The following CTNNA2 variants were observed in gnomAD, a reference collection of about 807,000 sequenced individuals.
CTNNA2 encodes catenin alpha 2.
In CTNNA2, 42 loss-of-function variants were observed where a neutral mutation model predicts 101.0. The ratio of observed to expected loss-of-function variants is 0.42; its 90% CI spans 0.32 to 0.54. CTNNA2 has a LOEUF of 0.54. Among genes scored for constraint, CTNNA2 ranks in the 20% least tolerant of loss-of-function variants. CTNNA2 has a pLI of 0.14. For missense variants in CTNNA2, 871 were observed against 1,223.1 expected (o/e 0.71, Z 4.29); for synonymous variants, 450 against 456.4 (o/e 0.99, Z 0.18).
intron 4 of CTNNA2, among the ~76,000 whole-genome samples, chr2:79,499,921 C>A (rs1671301341): frequency 6.6e-6 from 1 of 152,218 alleles, no homozygotes; most frequent in African/African-American, 2.4e-5. Flanking sequence ...TATTGGCCAG[C>A]AGCCTGGAGA....
At chr2:80,092,095 C>T (rs899860337) in intron 7 of CTNNA2, among the ~76,000 whole-genome samples, 1 of 152,014 alleles carries the variant, frequency 6.6e-6, no homozygotes, top group Admixed American at 6.6e-5. Flanking sequence ...AATTATGGCT[C>T]ACCTTGCATT....
chr2:79,209,711 A>C (rs538573290), intron 2 of CTNNA2, among the ~76,000 whole-genome samples: 2 of 52,034 alleles, frequency 3.8e-5, no homozygotes, highest in South Asian at 9.6e-4. Context: ...AGCCAATTAA[A>C]AGAGCTTATC....
chr2:80,386,296 C>A (rs1056898514), intron 7 of CTNNA2, among the ~76,000 whole-genome samples: 5 of 152,110 alleles, frequency 3.3e-5, no homozygotes, highest in Non-Finnish European at 7.4e-5. Context: ...TATAGATTTG[C>A]TTTGTGGCCA....
intron 9 of CTNNA2, among the ~76,000 whole-genome samples, chr2:80,531,093 A>G (rs1690498140): frequency 6.6e-6 from 1 of 152,134 alleles, no homozygotes; most frequent in Non-Finnish European, 1.5e-5. Context: ...GGAGCTGTTA[A>G]GGGGAATGAG....
chr2:79,373,791 A>G (rs1378644489), intron 3 of CTNNA2: 2 of 152,128 alleles, frequency 1.3e-5, no homozygotes, highest in East Asian at 3.9e-4. Context: ...TAATTCTCAC[A>G]ATAACCTGTT....
At position 79,687,471 on chromosome 2, in the gene CTNNA2, T is replaced by C; in HGVS notation, c.102+35813T>C. 4 of 535,990 alleles carry C rather than the reference T, an allele frequency of 7.5e-6. No individual in the cohort carries two copies. In the South Asian group the frequency reaches 1.1e-4, roughly 14 times the overall value. 33.2% of individuals were successfully genotyped at this position (535,990 alleles called of 1,614,324 possible). On this transcript the variant is annotated intron_variant, in intron 2 of 18. Transcript: ENST00000402739. ...TTTTTTTTTTTGTACCTTCAGATAATTTTGATTAGCTTTCATTTTTATTTG... is the reference window on the plus strand; with the variant it reads ...TTTTTTTTTTTGTACCTTCAGATAACTTTGATTAGCTTTCATTTTTATTTG...
Position 80,521,068 on chromosome 2 carries a change from G to A in CTNNA2, c.1291-23914G>A, listed in dbSNP as rs147835740. Among the ~76,000 whole-genome samples the A allele has an allele frequency of 2.2e-3, 328 of 152,308 alleles. 1 individual carries two copies. Among genetic ancestry groups the A allele is most frequent in the African/African-American group, 7.4e-3 (309 of 41,570 alleles). ...TCAGTGAGAGAAACAAATCACTGAT[G>A]AGAAAGCCAGCTGTGAGCACCCACG... is the stretch of plus-strand genomic sequence containing the variant. On this transcript the variant is annotated intron_variant, in intron 9 of 18. Coordinates refer to ENST00000402739, the MANE Select transcript of CTNNA2 (RefSeq NM_001282597.3).
At chr2:79,955,686 T>C (rs1689173972) in intron 7 of CTNNA2, among the ~76,000 whole-genome samples, 1 of 152,188 alleles carries the variant, frequency 6.6e-6, no homozygotes. Context: ...TAATTTTTTT[T>C]TGATTTTTTG....
At chr2:80,152,165 G>A (rs187087852) in intron 7 of CTNNA2, among the ~76,000 whole-genome samples, 2 of 152,300 alleles carry the variant, frequency 1.3e-5, no homozygotes, top group Admixed American at 1.3e-4. Flanking sequence ...GGTTTCATAC[G>A]ATTCAGTTAA....
chr2:80,303,364 G>T lies in CTNNA2; in HGVS notation c.1057-89847G>T. On this transcript the variant is annotated intron_variant, in intron 7 of 18. Transcript: ENST00000402739. The surrounding 1 kb of genome is among the most constrained non-coding windows in gnomAD (Gnocchi z 7.7). ...GCAGCCCGTGGAAGAGGTCGGGCGC[G>T]AGCGCCTGCAGCTTGTTGTACGAGA... 4 of 1,614,104 alleles carry T rather than the reference G, an allele frequency of 2.5e-6. No individual in the cohort carries two copies. Among genetic ancestry groups the T allele is most frequent in the African/African-American group, 2.7e-5 (2 of 75,060 alleles).
intron 3 of CTNNA2, among the ~76,000 whole-genome samples, chr2:79,787,303 T>G (rs1674919724): frequency 6.6e-6 from 1 of 152,126 alleles, no homozygotes; most frequent in African/African-American, 2.4e-5. Context: ...GACCATATGA[T>G]CTGATCTTTA....
intron 6 of CTNNA2, among the ~76,000 whole-genome samples, chr2:79,906,990 G>C (rs1685469501): frequency 6.6e-6 from 1 of 152,148 alleles, no homozygotes. Context: ...AATGACACTA[G>C]TACATTCTCT....
intron 13 of CTNNA2, among the ~76,000 whole-genome samples, chr2:80,581,250 G>A (rs7579517): frequency 1.3e-5 from 2 of 151,910 alleles, no homozygotes; most frequent in African/African-American, 2.4e-5. Context: ...GCTTATAACC[G>A]TTATACCTTA....
chr2:79,501,180 A>G (rs781405210), intron 4 of CTNNA2, among the ~76,000 whole-genome samples: 6 of 152,178 alleles, frequency 3.9e-5, no homozygotes, highest in Admixed American at 2.0e-4. Flanking sequence ...TGATGACCTT[A>G]TTACCCATGG....
chr2:79,534,519 A>G (rs1232615923), intron 1 of CTNNA2, among the ~76,000 whole-genome samples: 1 of 150,272 alleles, frequency 6.7e-6, no homozygotes, highest in Non-Finnish European at 1.5e-5. Flanking sequence ...TTAAAATGAA[A>G]ACTTGTGAAC....
intron 7 of CTNNA2, among the ~76,000 whole-genome samples, chr2:80,267,823 A>G (rs1673129906): frequency 6.6e-6 from 1 of 152,186 alleles, no homozygotes; most frequent in Admixed American, 6.5e-5. Flanking sequence ...TTCAGTGAGG[A>G]TGAGAGTCTA....
intron 1 of CTNNA2, among the ~76,000 whole-genome samples, chr2:79,536,618 G>A (rs865905093): frequency 1.1e-5 from 1 of 91,378 alleles, no homozygotes; most frequent in East Asian, 3.4e-4. Context: ...TTGAGGGTGG[G>A]GTACATGCAT....
At chr2:79,686,987 G>A (rs566257307) in intron 2 of CTNNA2, among the ~76,000 whole-genome samples, 2 of 152,182 alleles carry the variant, frequency 1.3e-5, no homozygotes, top group Non-Finnish European at 1.5e-5. Flanking sequence ...GTCTTATGTC[G>A]CTCTTTAGTC....
chr2:80,520,655 T>A (rs901893491), intron 9 of CTNNA2, among the ~76,000 whole-genome samples: 3 of 152,132 alleles, frequency 2.0e-5, no homozygotes, highest in Non-Finnish European at 4.4e-5. Context: ...ACTATTCCCA[T>A]TCATGAAGAC....
Sources: allele counts gnomAD v4.1 joint callset (sites outside exome capture counted in the v4.1 genomes callset), GRCh38; gene constraint gnomAD v4.1.1; non-coding constraint Gnocchi (gnomAD v3.1); transcripts MANE v1.5; gene names NCBI Gene and HGNC (gene_info 2026-07-23, HGNC 2026-07-21).